Variants in RFX3 observed in about 807,000 individuals in gnomAD.
The protein encoded by RFX3 is regulatory factor X3.
In RFX3, 14 loss-of-function variants were observed where a neutral mutation model predicts 98.6. That is an observed-to-expected ratio of 0.14 (90% CI 0.09 to 0.22). RFX3 has a LOEUF of 0.22. Ranked by LOEUF, RFX3 falls within the 10% of genes least tolerant of loss-of-function variation. RFX3 has a pLI of 1.00. For synonymous variants in RFX3, 383 were observed against 328.4 expected (o/e 1.17, Z -1.80); for missense variants, 639 against 926.9 (o/e 0.69, Z 4.03).
At chr9:3,378,779 C>T (rs1310152472) in intron 2 of RFX3, among the ~76,000 whole-genome samples, 3 of 151,972 alleles carry the variant, frequency 2.0e-5, no homozygotes, top group Non-Finnish European at 4.4e-5. Flanking sequence ...TGGTTTCAAA[C>T]TCCTGACCTC....
chr9:3,361,255 G>C (rs971293215), intron 2 of RFX3, among the ~76,000 whole-genome samples: 1 of 152,090 alleles, frequency 6.6e-6, no homozygotes, highest in Non-Finnish European at 1.5e-5. Flanking sequence ...TAGCAGCAGG[G>C]AGGTTAATTA....
intron 9 of RFX3, among the ~76,000 whole-genome samples, chr9:3,272,210 A>G (rs958434743): frequency 3.9e-5 from 6 of 152,200 alleles, no homozygotes; most frequent in African/African-American, 1.4e-4. Context: ...GCATTAAAAG[A>G]CAGAAGTAGT....
At chr9:3,469,589 AT>A (rs1404861316) in intron 1 of RFX3, among the ~76,000 whole-genome samples, 1 of 152,032 alleles carries the variant, frequency 6.6e-6, no homozygotes, top group Non-Finnish European at 1.5e-5. Context: ...TTTTCCTATT[AT>A]TTTCTTTGGA....
chr9:3,352,370 G>C (rs576715368), intron 2 of RFX3, among the ~76,000 whole-genome samples: 1 of 152,074 alleles, frequency 6.6e-6, no homozygotes, highest in African/African-American at 2.4e-5. Context: ...TGAGTGACAT[G>C]AAAAGAGGTG....
intron 10 of RFX3, 110 bp from the exon 11 acceptor site, chr9:3,270,635 C>T (rs967783621): frequency 1.8e-6 from 2 of 1,083,124 alleles, no homozygotes; most frequent in African/African-American, 3.2e-5. Flanking sequence ...TAGAACTATA[C>T]CACCATTGCA....
chr9:3,283,412 T>C (rs1826169142), intron 7 of RFX3, among the ~76,000 whole-genome samples: 1 of 151,598 alleles, frequency 6.6e-6, no homozygotes, highest in Non-Finnish European at 1.5e-5. Flanking sequence ...ATTTTGCAGA[T>C]GAAGAAACTG....
intron 2 of RFX3, among the ~76,000 whole-genome samples, chr9:3,388,657 G>T (rs188980118): frequency 6.6e-6 from 1 of 152,126 alleles, no homozygotes; most frequent in East Asian, 1.9e-4. Flanking sequence ...ATACAAAGGG[G>T]TTTCAAATAT....
chr9:3,374,088 G>GCA (rs1335170072), intron 2 of RFX3, among the ~76,000 whole-genome samples: 12 of 143,542 alleles, frequency 8.4e-5, no homozygotes, highest in African/African-American at 2.6e-4. Context: ...ACACACACAC[G>GCA]CGCGCACACA....
intron 3 of RFX3, among the ~76,000 whole-genome samples, chr9:3,340,585 T>C (rs1027702213): frequency 6.6e-6 from 1 of 152,082 alleles, no homozygotes; most frequent in African/African-American, 2.4e-5. Context: ...CATCAAAAAG[T>C]GGGCGAAGGA....
intron 1 of RFX3, among the ~76,000 whole-genome samples, chr9:3,396,059 A>AGTATT (rs1840832868): frequency 6.7e-6 from 1 of 149,092 alleles, no homozygotes; most frequent in African/African-American, 2.5e-5. Context: ...TTTTTTTTAT[A>AGTATT]CTTTGTTTTA....
At chr9:3,256,519 G>A (rs1466413197) in intron 14 of RFX3, among the ~76,000 whole-genome samples, 1 of 152,166 alleles carries the variant, frequency 6.6e-6, no homozygotes, top group Non-Finnish European at 1.5e-5. Context: ...AGATTTGGAG[G>A]AGGTGCTAAG....
At chr9:3,287,802 T>G (rs1053413379) in intron 7 of RFX3, among the ~76,000 whole-genome samples, 1 of 151,972 alleles carries the variant, frequency 6.6e-6, no homozygotes, top group Admixed American at 6.6e-5. Context: ...GAATAGCAAG[T>G]CAGAAGCTCA....
chr9:3,287,601 G>A (rs778752633), intron 7 of RFX3, among the ~76,000 whole-genome samples: 1 of 151,748 alleles, frequency 6.6e-6, no homozygotes, highest in Non-Finnish European at 1.5e-5. Context: ...CTATTCATCC[G>A]TCCATCCATC....
At chr9:3,455,024 C>A (rs1242984471) in intron 1 of RFX3, among the ~76,000 whole-genome samples, 1 of 152,000 alleles carries the variant, frequency 6.6e-6, no homozygotes, top group Non-Finnish European at 1.5e-5. Flanking sequence ...AGCACAATGC[C>A]CCCTCATCCA....
At chr9:3,438,413 G>C (rs566862040) in intron 1 of RFX3, among the ~76,000 whole-genome samples, 7 of 152,056 alleles carry the variant, frequency 4.6e-5, no homozygotes, top group African/African-American at 1.7e-4. Flanking sequence ...GATGCTTAAA[G>C]GGTCTAGAAA....
chr9:3,366,704 TTCTTTCTTTCTTTCTTTC>T (rs1462786710), intron 2 of RFX3, among the ~76,000 whole-genome samples: 1 of 118,036 alleles, frequency 8.5e-6, no homozygotes, highest in Non-Finnish European at 1.8e-5. Context: ...CTTTCTTTCT[TTCTTTCTTTCTTTCTTTC>T]TTTCTTTCTT....
intron 1 of RFX3, among the ~76,000 whole-genome samples, chr9:3,460,008 C>T (rs1847545056): frequency 6.6e-6 from 1 of 151,880 alleles, no homozygotes; most frequent in African/African-American, 2.4e-5. Context: ...GATATAGTGA[C>T]ATGATGGAGA....
At position 3,223,290 on chromosome 9, in the gene RFX3, A is replaced by C. The variant is rs1397076753; in HGVS notation, c.*1752T>G. The C allele has an allele frequency of 6.6e-6, 1 of 152,162 alleles. No homozygotes were observed. The highest frequency in any genetic ancestry group is 2.4e-5 in the African/African-American group (1 of 41,456). 9.4% of individuals were successfully genotyped at this position (152,162 alleles called of 1,614,324 possible). ...GTGCTTAAAAGAACCTTGGCTTTTCATGCAAATTAAAATGGGGCTGGGTGT... is the reference window on the plus strand; with the variant it reads ...GTGCTTAAAAGAACCTTGGCTTTTCCTGCAAATTAAAATGGGGCTGGGTGT... On this transcript the variant is annotated 3_prime_UTR_variant, in exon 17 of 17. Transcript: ENST00000617270.
intron 2 of RFX3, among the ~76,000 whole-genome samples, chr9:3,393,786 T>G (rs1172527529): frequency 6.6e-6 from 1 of 152,032 alleles, no homozygotes; most frequent in Non-Finnish European, 1.5e-5. Flanking sequence ...TTGGTACACA[T>G]GAACATAAAG....
Sources: gnomAD v4.1 joint callset for allele counts (sites outside exome capture counted in the v4.1 genomes callset) on GRCh38, gnomAD v4.1.1 for gene constraint, MANE v1.5 for transcripts, NCBI Gene and HGNC (gene_info 2026-07-23, HGNC 2026-07-21) for gene names.